MICU2: variants seen among roughly 807,000 people sequenced by gnomAD.
MICU2 encodes calcium uptake protein 2, mitochondrial.
Under a neutral mutation model 60.4 loss-of-function variants are expected in MICU2, and 64 were observed. The ratio of observed to expected loss-of-function variants is 1.06; its 90% CI spans 0.87 to 1.31. The LOEUF is 1.31. Among genes scored for constraint, MICU2 ranks in the 50% most tolerant of loss-of-function variants. MICU2 has a pLI of 0.00. For synonymous variants in MICU2, 201 were observed against 175.0 expected, an observed-to-expected ratio of 1.15 and a Z score of -1.17; for missense variants, 569 against 531.0, an observed-to-expected ratio of 1.07 and a Z score of -0.70.
intron 7 of MICU2, among the ~76,000 whole-genome samples, chr13:21,511,941 A>G (rs77424678): frequency 0.048 from 7,340 of 152,178 alleles, 588 homozygotes; most frequent in African/African-American, 0.17. Context: ...CAGTTTATTC[A>G]ACAAAAGATA....
At chr13:21,599,564 A>C (rs4770178) in intron 1 of MICU2, among the ~76,000 whole-genome samples, 35,537 of 152,268 alleles carry the variant, frequency 0.23, 5,063 homozygotes, top group East Asian at 0.65. Context: ...TCTTTGTAGG[A>C]GGCACTATTT....
At chr13:21,506,416 C>T (rs1379341438) in intron 8 of MICU2, among the ~76,000 whole-genome samples, 1 of 152,156 alleles carries the variant, frequency 6.6e-6, no homozygotes, top group Non-Finnish European at 1.5e-5. Context: ...GAAAACCATA[C>T]TATAACTAAC....
intron 9 of MICU2, 188 bp downstream of exon 9, chr13:21,502,738 T>C (rs892965022): frequency 6.0e-6 from 3 of 499,030 alleles, no homozygotes; most frequent in Non-Finnish European, 1.0e-5. Context: ...AACTTGTAAT[T>C]GCTACACTGA....
chr13:21,566,183 T>G (rs1049893771), intron 2 of MICU2, among the ~76,000 whole-genome samples: 1 of 152,150 alleles, frequency 6.6e-6, no homozygotes, highest in African/African-American at 2.4e-5. Context: ...TCTCACCCAT[T>G]TCAGCTGCTG....
intron 4 of MICU2, among the ~76,000 whole-genome samples, chr13:21,523,789 A>T (rs1886784072): frequency 6.6e-6 from 1 of 152,192 alleles, no homozygotes; most frequent in Non-Finnish European, 1.5e-5. Context: ...AGGATTTCTG[A>T]TGCAAATGCT....
chr13:21,550,157 A>G (rs1263632772), intron 2 of MICU2, among the ~76,000 whole-genome samples: 1 of 152,156 alleles, frequency 6.6e-6, no homozygotes, highest in African/African-American at 2.4e-5. Flanking sequence ...CCACTCTATC[A>G]TCTCATTCCA....
chr13:21,539,164 T>C, intron 4 of MICU2, 138 bp downstream of exon 4: 1 of 701,344 alleles, frequency 1.4e-6, no homozygotes, highest in South Asian at 2.0e-5. Flanking sequence ...TCAAAGACTT[T>C]GAAAAAGTTA....
At chr13:21,509,896 C>CA in intron 8 of MICU2, 108 bp downstream of exon 8, 1 of 576,988 alleles carries the variant, frequency 1.7e-6, no homozygotes, top group Non-Finnish European at 2.9e-6. Context: ...AATCCACAAA[C>CA]AGTATTTTAG....
chr13:21,510,678 CCA>C (rs1298740250), intron 7 of MICU2, among the ~76,000 whole-genome samples: 4 of 151,946 alleles, frequency 2.6e-5, no homozygotes, highest in Non-Finnish European at 5.9e-5. Context: ...TAAGTTTAAG[CCA>C]CAATTTTGAA....
chr13:21,592,189 C>A (rs563865994), intron 1 of MICU2, among the ~76,000 whole-genome samples: 1 of 152,142 alleles, frequency 6.6e-6, no homozygotes, highest in African/African-American at 2.4e-5. Flanking sequence ...GATATCACCA[C>A]TGACCCCACA....
chr13:21,558,923 T>C (rs1887772577), intron 2 of MICU2, among the ~76,000 whole-genome samples: 1 of 152,094 alleles, frequency 6.6e-6, no homozygotes, highest in African/African-American at 2.4e-5. Flanking sequence ...ATCCGGTTTC[T>C]CTGGGAAGAA....
chr13:21,529,994 TTTGGATGAATGGTGAGAGAGCAG>T (rs1474070892), intron 4 of MICU2, among the ~76,000 whole-genome samples: 1 of 152,168 alleles, frequency 6.6e-6, no homozygotes, highest in East Asian at 1.9e-4. Context: ...GTGGCCAGCA[TTTGGATGAATGGTGAGAGAGCAG>T]ATCTTACACC....
At chr13:21,538,872 T>G (rs943450248) in intron 4 of MICU2, among the ~76,000 whole-genome samples, 20 of 152,110 alleles carry the variant, frequency 1.3e-4, no homozygotes, top group African/African-American at 4.6e-4. Context: ...AGAGGATACT[T>G]CTCAGTCCTT....
At chr13:21,549,894 CTAAT>C (rs1361781107) in intron 2 of MICU2, among the ~76,000 whole-genome samples, 1 of 152,062 alleles carries the variant, frequency 6.6e-6, no homozygotes, top group Non-Finnish European at 1.5e-5. Context: ...TTACAGTTGG[CTAAT>C]TATTAAGAAG....
At chr13:21,602,398 T>G (rs981292344) in intron 1 of MICU2, among the ~76,000 whole-genome samples, 2 of 152,102 alleles carry the variant, frequency 1.3e-5, no homozygotes, top group Non-Finnish European at 2.9e-5. Flanking sequence ...GGCGGGCGCC[T>G]GTAGTCCCAG....
intron 9 of MICU2, among the ~76,000 whole-genome samples, chr13:21,498,516 C>T (rs1183827618): frequency 4.6e-5 from 7 of 151,780 alleles, no homozygotes; most frequent in African/African-American, 1.5e-4. Context: ...GTAGCTAGGA[C>T]TGCAGGCACC....
intron 2 of MICU2, among the ~76,000 whole-genome samples, chr13:21,542,379 T>C (rs1442915916): frequency 4.6e-5 from 7 of 152,326 alleles, no homozygotes; most frequent in Middle Eastern, 3.4e-3. Context: ...ATAAAACCCA[T>C]CTGGCAAATA....
intron 4 of MICU2, among the ~76,000 whole-genome samples, chr13:21,532,624 A>G (rs1364957914): frequency 6.6e-6 from 1 of 152,208 alleles, no homozygotes; most frequent in Non-Finnish European, 1.5e-5. Context: ...AGAAACAACT[A>G]GGATGGTGAG....
rs1473930056 is a variant in MICU2, at chr13:21,603,915, T to C, written c.210+24A>G. The C allele has an allele frequency of 1.9e-6, 3 of 1,608,998 alleles. No individual in the cohort carries two copies. In the South Asian group the frequency reaches 3.3e-5, roughly 18 times the overall value. On this transcript the variant is annotated intron_variant, in intron 1 of 11. Coordinates refer to ENST00000382374, the MANE Select transcript of MICU2 (RefSeq NM_152726.3). Reference sequence around the variant, plus strand: ...GGGGAGGGAGGAGCTTGACTGGGGCTAGCAGAAGGAGTTAGTCCTGTACCT... The same window carrying C: ...GGGGAGGGAGGAGCTTGACTGGGGCCAGCAGAAGGAGTTAGTCCTGTACCT...
Sources: allele counts gnomAD v4.1 joint callset (sites outside exome capture counted in the v4.1 genomes callset), GRCh38; gene constraint gnomAD v4.1.1; transcripts MANE v1.5; gene names NCBI Gene and HGNC (gene_info 2026-07-23, HGNC 2026-07-21).